Variants in SMS observed in about 807,000 individuals in gnomAD.
SMS encodes the protein spermidine aminopropyltransferase.
Under a neutral mutation model 33.0 loss-of-function variants are expected in SMS, and 3 were observed. The ratio of observed to expected loss-of-function variants is 0.09; its 90% CI spans 0.04 to 0.23. The LOEUF (loss-of-function observed/expected upper bound fraction) is 0.23, where lower values mean the gene tolerates loss of function less well. Ranked by LOEUF, SMS falls within the 10% of genes least tolerant of loss-of-function variation. The pLI is 1.00. For missense variants in SMS, 117 were observed against 288.6 expected (o/e 0.41, Z 4.31); for synonymous variants, 103 against 112.2 (o/e 0.92, Z 0.52).
In SMS at chrX:21,940,906, C is replaced by T. The variant is rs1481151431; in HGVS notation, c.49+33C>T. 3.0e-6 allele frequency: 3 copies of T among 993,496 alleles called. No individual in the cohort carries two copies. The South Asian group carries it at 6.9e-5, about 23-fold the overall frequency. The allele number at this position is 993,496 out of a possible 1,213,427, so 81.9% of individuals were successfully genotyped here. On this transcript the variant is annotated intron_variant, in intron 1 of 10. Coordinates refer to ENST00000404933, the MANE Select transcript of SMS (RefSeq NM_004595.5). ...CGCCCGCCGCCACCTGCGTGGCCAT[C>T]CCCGCCGCTCCCGCCGCCTGGCGGG... is the stretch of plus-strand genomic sequence containing the variant.
Position 21,984,242 on chromosome X carries a change from T to G in SMS, c.751-62T>G. The stretch of plus-strand genomic sequence containing the variant: ...GCTTTTTTCCTCCTTCCTTTACTAT[T>G]GTTTTTTGTTTAACTACATCCACAT... On this transcript the variant is annotated intron_variant, in intron 7 of 10. Coordinates refer to ENST00000404933, the MANE Select transcript of SMS (RefSeq NM_004595.5). The G allele has an allele frequency of 6.8e-6, 5 of 730,172 alleles. 1 individual carries two copies. Among genetic ancestry groups the G allele is most frequent in the Non-Finnish European group, 1.1e-5 (5 of 456,075 alleles). 60.2% of individuals were successfully genotyped at this position (730,172 alleles called of 1,213,427 possible).
At chrX:21,966,506 G>C (rs1225742652) in intron 1 of SMS, among the ~76,000 whole-genome samples, 1 of 111,433 alleles carries the variant, frequency 9.0e-6, no homozygotes, top group Admixed American at 9.6e-5. Context: ...GCACTTTTGG[G>C]AGTAGGACAC....
At chrX:21,955,453 CA>C (rs1922910991) in intron 1 of SMS, among the ~76,000 whole-genome samples, 3 of 112,110 alleles carry the variant, frequency 2.7e-5, no homozygotes, top group African/African-American at 9.7e-5. Context: ...CGTCACATGC[CA>C]ATTTTGAACT....
intron 5 of SMS, 33 bp downstream of exon 5, chrX:21,977,269 C>CA (rs1461318305): frequency 9.0e-7 from 1 of 1,112,143 alleles, no homozygotes; most frequent in South Asian, 1.8e-5. Flanking sequence ...GATCACGTAA[C>CA]AAAGTGGTGA....
At chrX:21,982,158 C>A (rs933332274) in intron 7 of SMS, among the ~76,000 whole-genome samples, 5 of 107,911 alleles carry the variant, frequency 4.6e-5, no homozygotes, top group African/African-American at 1.7e-4. Flanking sequence ...ATAGTGAAAC[C>A]CCGTCTCCAC....
At chrX:21,990,134 C>G (rs1925661662) in intron 9 of SMS, among the ~76,000 whole-genome samples, 1 of 111,791 alleles carries the variant, frequency 8.9e-6, no homozygotes, top group African/African-American at 3.3e-5. Context: ...AGTTGACTTA[C>G]AATAAAAAGC....
intron 1 of SMS, among the ~76,000 whole-genome samples, chrX:21,957,054 G>A (rs1213473298): frequency 9.0e-6 from 1 of 111,429 alleles, no homozygotes; most frequent in Non-Finnish European, 1.9e-5. Flanking sequence ...GGGACAGGTA[G>A]AGAAGACCAC....
chrX:21,969,298 C>T (rs933863453), intron 2 of SMS, among the ~76,000 whole-genome samples: 5 of 111,957 alleles, frequency 4.5e-5, no homozygotes, highest in Admixed American at 1.9e-4. Context: ...TGTGTTTAGT[C>T]GATACCTCAA....
chrX:21,985,947 G>C (rs991543198), intron 9 of SMS, among the ~76,000 whole-genome samples: 28 of 111,159 alleles, frequency 2.5e-4, no homozygotes, highest in African/African-American at 8.5e-4. Flanking sequence ...TTTGAGCCTG[G>C]GAGGTTGAAG....
chrX:21,950,934 G>A lies in SMS; in HGVS notation c.49+10061G>A, dbSNP rs1183183487. ...TATGCATGTGTCTTTATAGTAGAAT[G>A]ATTTATAATCTTTTGGGTATATACC... On this transcript the variant is annotated intron_variant, in intron 1 of 10. Coordinates refer to ENST00000404933, the MANE Select transcript of SMS (RefSeq NM_004595.5). Among the ~76,000 whole-genome samples the A allele has an allele frequency of 2.7e-5, 3 of 112,099 alleles. No homozygotes were observed. In the Admixed American group the frequency reaches 2.8e-4, roughly 11 times the overall value.
At chrX:21,974,683 G>A (rs1464460451) in intron 4 of SMS, among the ~76,000 whole-genome samples, 3 of 110,946 alleles carry the variant, frequency 2.7e-5, no homozygotes, top group Non-Finnish European at 5.7e-5. Context: ...TCCTTTTTTG[G>A]TATAGGAGTT....
At chrX:21,975,987 G>T (rs183489606) in intron 4 of SMS, among the ~76,000 whole-genome samples, 2 of 110,846 alleles carry the variant, frequency 1.8e-5, no homozygotes, top group Non-Finnish European at 3.8e-5. Flanking sequence ...CATGACTCAC[G>T]CAGTTGTGTT....
chrX:21,987,343 A>AT (rs1236222858), intron 9 of SMS, among the ~76,000 whole-genome samples: 10 of 110,555 alleles, frequency 9.0e-5, no homozygotes, highest in African/African-American at 1.3e-4. Context: ...TTTTCTTTTC[A>AT]TTTTTTTGAG....
chrX:21,961,615 T>TC (rs199557981), intron 1 of SMS, among the ~76,000 whole-genome samples: 1,629 of 111,596 alleles, frequency 0.015, 32 homozygotes, highest in African/African-American at 0.051. Context: ...TTCTTTTTTT[T>TC]CCCTTCCTGT....
intron 1 of SMS, among the ~76,000 whole-genome samples, chrX:21,951,161 A>T (rs1922581291): frequency 8.9e-6 from 1 of 112,075 alleles, no homozygotes; most frequent in African/African-American, 3.2e-5. Flanking sequence ...ATGGTATCTC[A>T]TTGTGGTTTT....
intron 1 of SMS, among the ~76,000 whole-genome samples, chrX:21,945,113 C>T (rs1922124867): frequency 8.9e-6 from 1 of 111,949 alleles, no homozygotes. Flanking sequence ...TTTTTTTCCC[C>T]TGGGCTGGGC....
intron 4 of SMS, among the ~76,000 whole-genome samples, chrX:21,973,694 C>T (rs1924342374): frequency 8.8e-6 from 1 of 113,139 alleles, no homozygotes; most frequent in Admixed American, 9.3e-5. Flanking sequence ...GAAGCTCTCC[C>T]TATCCAGTGG....
chrX:21,948,887 C>T (rs1490761686), intron 1 of SMS, among the ~76,000 whole-genome samples: 1 of 112,228 alleles, frequency 8.9e-6, no homozygotes, highest in Non-Finnish European at 1.9e-5. Context: ...ATGGTATAGA[C>T]TCAGTTCTTT....
At chrX:21,983,197 G>A (rs1231800947) in intron 7 of SMS, among the ~76,000 whole-genome samples, 2 of 109,507 alleles carry the variant, frequency 1.8e-5, no homozygotes, top group African/African-American at 6.7e-5. Flanking sequence ...ATACCACTAG[G>A]CCCAGCTGAT....
Sources: gnomAD v4.1 joint callset for allele counts (sites outside exome capture counted in the v4.1 genomes callset) on GRCh38, gnomAD v4.1.1 for gene constraint, MANE v1.5 for transcripts, NCBI Gene and HGNC (gene_info 2026-07-23, HGNC 2026-07-21) for gene names.